The following CHD9NB variants were observed in gnomAD, a reference collection of about 807,000 sequenced individuals.
The protein encoded by CHD9NB is CHD9 neighbor protein.
At chr16:53,049,386 G>T in the CHD9NB span, among the ~76,000 whole-genome samples, 2 of 151,526 alleles carry the variant, frequency 1.3e-5, no homozygotes, top group Non-Finnish European at 2.9e-5. Flanking sequence ...ATGTTGCCTA[G>T]GCTGGTCTCG....
At chr16:53,036,878 G>A in the CHD9NB span, among the ~76,000 whole-genome samples, 8 of 152,134 alleles carry the variant, frequency 5.3e-5, no homozygotes, top group Non-Finnish European at 1.2e-4. Flanking sequence ...GGGCTGAATG[G>A]AACACTGCCC....
At chr16:53,038,065 G>A in the CHD9NB span, among the ~76,000 whole-genome samples, 1 of 152,158 alleles carries the variant, frequency 6.6e-6, no homozygotes, top group African/African-American at 2.4e-5. Context: ...AGAGGCCACT[G>A]GTCTAAGTCC....
chr16:53,042,097 G>A, the CHD9NB span, among the ~76,000 whole-genome samples: 4 of 152,106 alleles, frequency 2.6e-5, no homozygotes, highest in Admixed American at 6.5e-5. Flanking sequence ...ATCTCAATCA[G>A]TTTCTCAGGT....
At chr16:53,049,348 G>C in the CHD9NB span, among the ~76,000 whole-genome samples, 1 of 151,640 alleles carries the variant, frequency 6.6e-6, no homozygotes, top group Non-Finnish European at 1.5e-5. Flanking sequence ...GTGTGTGTGT[G>C]TGTGTGTGTG....
At chr16:53,051,945 A>C in the CHD9NB span, among the ~76,000 whole-genome samples, 1 of 151,542 alleles carries the variant, frequency 6.6e-6, no homozygotes, top group Non-Finnish European at 1.5e-5. Context: ...TTCTGGGTAC[A>C]TTACTTGCTA....
chr16:53,041,944 G>A, the CHD9NB span, among the ~76,000 whole-genome samples: 2 of 152,326 alleles, frequency 1.3e-5, no homozygotes, highest in African/African-American at 4.8e-5. Flanking sequence ...TGGGCCAGCT[G>A]ACAGGGCCCC....
chr16:53,047,890 C>T, the CHD9NB span, among the ~76,000 whole-genome samples: 2,549 of 151,440 alleles, frequency 0.017, 78 homozygotes, highest in African/African-American at 0.059. Flanking sequence ...CCTGCCTACT[C>T]GGGAGGCAGA....
At chr16:53,050,919 G>A in the CHD9NB span, among the ~76,000 whole-genome samples, 3 of 151,350 alleles carry the variant, frequency 2.0e-5, no homozygotes, top group Admixed American at 1.3e-4. Context: ...ACGGAGTCTC[G>A]CTCTGTCTCC....
chr16:53,042,202 C>T, the CHD9NB span, among the ~76,000 whole-genome samples: 2 of 151,750 alleles, frequency 1.3e-5, no homozygotes, highest in Non-Finnish European at 2.9e-5. Context: ...CCAACTTCCT[C>T]GATTTCTTCC....
chr16:53,044,712 T>C, the CHD9NB span, among the ~76,000 whole-genome samples: 20 of 131,450 alleles, frequency 1.5e-4, no homozygotes, highest in African/African-American at 6.5e-4. Flanking sequence ...AGCTAATAGA[T>C]GCTGGGTACT....
the CHD9NB span, among the ~76,000 whole-genome samples, chr16:53,037,523 G>T: frequency 2.1e-4 from 32 of 152,210 alleles, no homozygotes; most frequent in Admixed American, 2.0e-3. Flanking sequence ...TTCAATGAGG[G>T]AGTGTGGAAG....
At chr16:53,043,283 GAT>G in the CHD9NB span, 1 of 152,198 alleles carries the variant, frequency 6.6e-6, no homozygotes, top group Admixed American at 6.5e-5. Flanking sequence ...GCTAGGAAGA[GAT>G]ATGTGAATGT....
chr16:53,044,850 G>C, the CHD9NB span, among the ~76,000 whole-genome samples: 1 of 152,296 alleles, frequency 6.6e-6, no homozygotes, highest in East Asian at 1.9e-4. Context: ...ATTTGTCTGA[G>C]GTAGTTTCTA....
chr16:53,043,991 A>G, the CHD9NB span: 1 of 398,758 alleles, frequency 2.5e-6, no homozygotes, highest in Non-Finnish European at 4.4e-6. Flanking sequence ...GACTCTGGAG[A>G]GAGGCATTTC....
At chr16:53,040,043 A>G in the CHD9NB span, among the ~76,000 whole-genome samples, 2 of 152,128 alleles carry the variant, frequency 1.3e-5, no homozygotes, top group Non-Finnish European at 2.9e-5. Flanking sequence ...AGCTCTCAGT[A>G]TAAAATACAA....
the CHD9NB span, among the ~76,000 whole-genome samples, chr16:53,050,616 G>A: frequency 6.6e-6 from 1 of 152,166 alleles, no homozygotes; most frequent in African/African-American, 2.4e-5. Context: ...GGGTTTGCAG[G>A]TACAATCCAG....
chr16:53,043,647 A>G, the CHD9NB span: 2 of 172,802 alleles, frequency 1.2e-5, no homozygotes, highest in Admixed American at 1.3e-4. Flanking sequence ...AGCCAGGCAG[A>G]CGGGGATCCC....
chr16:53,035,897 T>A, the CHD9NB span: 1 of 151,828 alleles, frequency 6.6e-6, no homozygotes, highest in Non-Finnish European at 1.5e-5. Flanking sequence ...CCTAGGAGTT[T>A]GGAGCTGCAG....
the CHD9NB span, chr16:53,035,717 T>C: frequency 6.6e-6 from 1 of 152,132 alleles, no homozygotes; most frequent in Non-Finnish European, 1.5e-5. Flanking sequence ...AATATCAGCA[T>C]TTTAGGAGGC....
Sources: allele counts gnomAD v4.1 joint callset (sites outside exome capture counted in the v4.1 genomes callset), GRCh38; gene constraint gnomAD v4.1.1; transcripts MANE v1.5; gene names NCBI Gene and HGNC (gene_info 2026-07-23, HGNC 2026-07-21).